RNGTT: variants seen among roughly 807,000 people sequenced by gnomAD.
RNGTT encodes the protein mRNA-capping enzyme.
RNGTT carries 33 observed loss-of-function variants against 79.3 expected under a neutral mutation model. That is an observed-to-expected ratio of 0.42 (90% CI 0.32 to 0.56). The LOEUF (loss-of-function observed/expected upper bound fraction) is 0.56. RNGTT is among the 20% of genes least tolerant of loss of function. The pLI is 0.17. For synonymous variants in RNGTT, 222 were observed against 235.9 expected, an observed-to-expected ratio of 0.94 and a Z score of 0.54; for missense variants, 497 against 739.1, an observed-to-expected ratio of 0.67 and a Z score of 3.80.
chr6:88,800,173 A>G lies in RNGTT; in HGVS notation c.1338+1391T>C, dbSNP rs574085102. ...CACACGTAAAGATATAATGCTTTAC[A>G]TGCATAGGTTGAATATGCCTTCTCT... On this transcript the variant is annotated intron_variant, in intron 12 of 15. Coordinates refer to ENST00000369485, the MANE Select transcript of RNGTT (RefSeq NM_003800.5). 5.9e-5 allele frequency among the ~76,000 whole-genome samples: 9 copies of G among 152,334 alleles called. 1 individual carries two copies. In the South Asian group the frequency reaches 1.9e-3, roughly 32 times the overall value.
intron 11 of RNGTT, among the ~76,000 whole-genome samples, chr6:88,804,011 CAT>C (rs1779878060): frequency 6.6e-6 from 1 of 152,086 alleles, no homozygotes; most frequent in Non-Finnish European, 1.5e-5. Flanking sequence ...TTACTTGACA[CAT>C]AATATTTATG....
intron 7 of RNGTT, among the ~76,000 whole-genome samples, chr6:88,891,383 G>A (rs941912070): frequency 1.3e-5 from 2 of 152,022 alleles, no homozygotes; most frequent in African/African-American, 2.4e-5. Flanking sequence ...AATCCACTAC[G>A]AAATGTCTGA....
intron 11 of RNGTT, among the ~76,000 whole-genome samples, chr6:88,831,486 C>A (rs1048525713): frequency 6.6e-6 from 1 of 152,160 alleles, no homozygotes; most frequent in African/African-American, 2.4e-5. Context: ...CAATATCATA[C>A]TACACGGGCA....
intron 14 of RNGTT, among the ~76,000 whole-genome samples, chr6:88,648,336 A>G (rs57593097): frequency 0.025 from 3,750 of 152,148 alleles, 139 homozygotes; most frequent in African/African-American, 0.085. Context: ...ATTAATTTAG[A>G]AATTCTTATG....
rs569351547 is a variant in RNGTT, at chr6:88,817,941, A to G, written c.1270-16309T>C. Among the ~76,000 whole-genome samples the G allele has an allele frequency of 1.2e-4, 18 of 151,560 alleles. No homozygotes were observed. The East Asian group carries it at 2.2e-3, about 18-fold the overall frequency. Reference sequence around the variant, plus strand: ...CGCCCAGCTAATTTTTTGTACTTTTAGTAGAAACGGGGTTTCACCGTGTTA... The same window carrying G: ...CGCCCAGCTAATTTTTTGTACTTTTGGTAGAAACGGGGTTTCACCGTGTTA... On this transcript the variant is annotated intron_variant, in intron 11 of 15. Coordinates refer to ENST00000369485, the MANE Select transcript of RNGTT (RefSeq NM_003800.5).
At position 88,734,964 on chromosome 6, in the gene RNGTT, T is replaced by G. The variant is rs79442592; in HGVS notation, c.1439+34810A>C. Among the ~76,000 whole-genome samples, 1,335 of 152,254 alleles carry G rather than the reference T, an allele frequency of 8.8e-3. 20 individuals carry two copies. The highest frequency in any genetic ancestry group is 0.03 in the African/African-American group (1,252 of 41,560). On this transcript the variant is annotated intron_variant, in intron 13 of 15. Transcript: ENST00000369485. ...AGGTGTATTAAATGCATTTTTGACT[T>G]AACAGTATTTTCAACTTACAATAAG... is the stretch of plus-strand genomic sequence containing the variant.
intron 13 of RNGTT, among the ~76,000 whole-genome samples, chr6:88,763,087 CTTTT>C (rs59200191): frequency 4.2e-5 from 4 of 95,512 alleles, no homozygotes; most frequent in African/African-American, 1.5e-4. Flanking sequence ...TCATGGCCAG[CTTTT>C]TTTTTTTTTT....
chr6:88,703,673 C>T (rs1776019681), intron 13 of RNGTT, among the ~76,000 whole-genome samples: 1 of 152,036 alleles, frequency 6.6e-6, no homozygotes, highest in Admixed American at 6.5e-5. Flanking sequence ...ACATGTACAT[C>T]CTGAATCTAA....
chr6:88,934,665 A>G (rs1256503856), intron 2 of RNGTT, among the ~76,000 whole-genome samples: 1 of 151,976 alleles, frequency 6.6e-6, no homozygotes, highest in African/African-American at 2.4e-5. Context: ...TTTTTGAAAC[A>G]GAGTCTCACT....
At chr6:88,671,985 T>G (rs544423799) in intron 14 of RNGTT, among the ~76,000 whole-genome samples, 1 of 151,942 alleles carries the variant, frequency 6.6e-6, no homozygotes, top group Non-Finnish European at 1.5e-5. Context: ...AGACTTAAAT[T>G]TAAGACCTGA....
intron 13 of RNGTT, among the ~76,000 whole-genome samples, chr6:88,696,017 A>T (rs975230733): frequency 3.3e-5 from 5 of 152,158 alleles, no homozygotes; most frequent in South Asian, 2.1e-4. Context: ...GGAAACAGGG[A>T]GATGTTGATC....
intron 12 of RNGTT, among the ~76,000 whole-genome samples, chr6:88,775,641 CAA>C (rs1778851873): frequency 1.3e-5 from 2 of 152,160 alleles, no homozygotes; most frequent in Admixed American, 1.3e-4. Flanking sequence ...CACCTATAAT[CAA>C]AAGTTGTTAT....
At chr6:88,739,188 G>C (rs1023287892) in intron 13 of RNGTT, among the ~76,000 whole-genome samples, 3 of 152,006 alleles carry the variant, frequency 2.0e-5, no homozygotes, top group African/African-American at 7.2e-5. Context: ...ACACACAAAT[G>C]ATACTATTCT....
chr6:88,716,453 C>T (rs1776517612), intron 13 of RNGTT, among the ~76,000 whole-genome samples: 1 of 152,186 alleles, frequency 6.6e-6, no homozygotes, highest in Admixed American at 6.5e-5. Context: ...TTGACCCAGT[C>T]ATCCCATTAC....
intron 13 of RNGTT, among the ~76,000 whole-genome samples, chr6:88,691,985 C>T (rs1162338653): frequency 1.3e-5 from 2 of 152,134 alleles, no homozygotes; most frequent in African/African-American, 2.4e-5. Flanking sequence ...ACAAAAATCT[C>T]ACATAATCTT....
intron 4 of RNGTT, among the ~76,000 whole-genome samples, chr6:88,909,388 C>G (rs922734536): frequency 6.6e-6 from 1 of 152,190 alleles, no homozygotes; most frequent in Admixed American, 6.5e-5. Context: ...GGTGCCACTT[C>G]CCTGCCTGAG....
chr6:88,932,183 G>A (rs1451464826), intron 2 of RNGTT, among the ~76,000 whole-genome samples: 2 of 152,164 alleles, frequency 1.3e-5, no homozygotes, highest in Non-Finnish European at 2.9e-5. Flanking sequence ...AGGAGGGTCT[G>A]CAGTTGCAGA....
chr6:88,845,560 T>C (rs1212291404), intron 10 of RNGTT, among the ~76,000 whole-genome samples: 2 of 152,192 alleles, frequency 1.3e-5, no homozygotes, highest in Admixed American at 6.5e-5. Context: ...AGTGCATTTT[T>C]CCCCCATCTT....
chr6:88,916,932 C>G (rs367798519), intron 4 of RNGTT, among the ~76,000 whole-genome samples: 5 of 152,286 alleles, frequency 3.3e-5, no homozygotes, highest in African/African-American at 1.2e-4. Context: ...TAAAAACAAC[C>G]TTGATGTGAT....
Sources: allele counts gnomAD v4.1 joint callset (sites outside exome capture counted in the v4.1 genomes callset), GRCh38; gene constraint gnomAD v4.1.1; transcripts MANE v1.5; gene names NCBI Gene and HGNC (gene_info 2026-07-23, HGNC 2026-07-21).